The following TRABD2A variants were observed in gnomAD, a reference collection of about 807,000 sequenced individuals.
TRABD2A encodes TraB domain containing 2A.
TRABD2A carries 43 observed loss-of-function variants against 45.6 expected under a neutral mutation model. That is an observed-to-expected ratio of 0.94 (90% CI 0.74 to 1.22). TRABD2A has a LOEUF of 1.22. TRABD2A is among the 50% of genes most tolerant of loss of function. The pLI is 0.00. For missense variants in TRABD2A, 642 were observed against 652.4 expected (o/e 0.98, Z 0.17); for synonymous variants, 269 against 265.0 (o/e 1.02, Z -0.15).
At chr2:84,837,673 T>G (rs926955266) in intron 4 of TRABD2A, 1 of 152,286 alleles carries the variant, frequency 6.6e-6, no homozygotes, top group Non-Finnish European at 1.5e-5. Context: ...CCTTGCAAGT[T>G]TCCCAACCTT....
intron 1 of TRABD2A, among the ~76,000 whole-genome samples, chr2:84,871,718 C>A (rs1682876440): frequency 1.3e-5 from 2 of 152,158 alleles, no homozygotes; most frequent in South Asian, 2.1e-4. Flanking sequence ...AACTCCTGAC[C>A]TTGTGATCCG....
chr2:84,870,715 T>C lies in TRABD2A; in HGVS notation c.179A>G (p.His60Arg), dbSNP rs749481202. ...GTCCCAAACTCGGGTGTACGGGACA[T>C]GGATTGTGCCAAAGAAGTAAGATGG... is the stretch of plus-strand genomic sequence containing the variant. ...DPPSYFFGTI[H>R]VPYTRVWDFI... Residue 60 changes from histidine to arginine, a missense_variant, in exon 2 of 7, where the codon CAT (histidine) becomes CGT (arginine). His to Arg is a conservative substitution (Grantham distance 29). Transcript: ENST00000409520. The C allele has an allele frequency of 2.8e-5, 45 of 1,603,458 alleles. No homozygotes were observed. Among genetic ancestry groups the C allele is most frequent in the Non-Finnish European group, 3.7e-5 (44 of 1,174,910 alleles).
chr2:84,875,314 C>A (rs755238298), intron 1 of TRABD2A, among the ~76,000 whole-genome samples: 1 of 152,192 alleles, frequency 6.6e-6, no homozygotes, highest in African/African-American at 2.4e-5. Flanking sequence ...AGCATTCCCT[C>A]CAGGAGGCAG....
intron 2 of TRABD2A, among the ~76,000 whole-genome samples, chr2:84,847,889 T>C (rs1239819255): frequency 6.6e-6 from 1 of 152,238 alleles, no homozygotes; most frequent in Non-Finnish European, 1.5e-5. Flanking sequence ...AAAGCATCTA[T>C]TCCAGGCCTC....
intron 4 of TRABD2A, 60 bp downstream of exon 4, chr2:84,839,089 T>G: frequency 2.5e-6 from 4 of 1,592,066 alleles, no homozygotes; most frequent in Middle Eastern, 1.9e-4. Flanking sequence ...CACCTCAACA[T>G]TCCCTTCTTG....
intron 4 of TRABD2A, chr2:84,837,175 G>T: frequency 6.6e-6 from 1 of 151,904 alleles, no homozygotes; most frequent in East Asian, 1.9e-4. Context: ...TGTATTATTA[G>T]TAGAGATAGG....
At chr2:84,845,215 G>A (rs907762608) in intron 2 of TRABD2A, among the ~76,000 whole-genome samples, 2 of 152,214 alleles carry the variant, frequency 1.3e-5, no homozygotes, top group South Asian at 2.1e-4. Flanking sequence ...GCCAGGCATG[G>A]TGGCAGGTGC....
intron 2 of TRABD2A, among the ~76,000 whole-genome samples, chr2:84,861,670 C>T (rs1682504505): frequency 1.3e-5 from 2 of 152,206 alleles, no homozygotes; most frequent in African/African-American, 2.4e-5. Flanking sequence ...TCGGCAGCCT[C>T]TTCAGACAGC....
At chr2:84,879,661 T>G in intron 1 of TRABD2A, 1 of 957,310 alleles carries the variant, frequency 1.0e-6, no homozygotes, top group African/African-American at 1.8e-5. Flanking sequence ...TGTGAGGAGA[T>G]GGACTCCTGC....
rs549570443 is a variant in TRABD2A, at chr2:84,824,116, C to T, written c.1171G>A (p.Ala391Thr). ...VPTLEVPAPE[A>T]VSSGHSTLPP... ...AGCGTTGAGTGCCCTGAGGATACGG[C>T]TTCTGGTGCCGGTACTTCCAGGGTA... Residue 391 changes from alanine (A) to threonine (T), a missense_variant, in exon 6 of 7, where the codon GCC becomes ACC. Transcript: ENST00000409520. 3 of 1,613,978 alleles carry T rather than the reference C, an allele frequency of 1.9e-6. No individual in the cohort carries two copies. The highest frequency in any genetic ancestry group is 2.5e-6 in the Non-Finnish European group (3 of 1,179,856).
intron 5 of TRABD2A, among the ~76,000 whole-genome samples, chr2:84,831,204 A>T: frequency 6.6e-6 from 1 of 151,218 alleles, no homozygotes; most frequent in Admixed American, 6.6e-5. Flanking sequence ...GAAAAAAAAA[A>T]TGCCATGTGC....
intron 2 of TRABD2A, among the ~76,000 whole-genome samples, chr2:84,859,657 A>G (rs1243471952): frequency 6.6e-6 from 1 of 152,202 alleles, no homozygotes; most frequent in Admixed American, 6.5e-5. Context: ...AGCAGGGACC[A>G]AGAATAGGAC....
At chr2:84,867,649 G>A (rs1682724354) in intron 2 of TRABD2A, among the ~76,000 whole-genome samples, 1 of 152,126 alleles carries the variant, frequency 6.6e-6, no homozygotes, top group South Asian at 2.1e-4. Context: ...TGAACAGGCA[G>A]CCTACAGAAT....
At chr2:84,828,070 A>G (rs1357682954) in intron 5 of TRABD2A, among the ~76,000 whole-genome samples, 1 of 152,222 alleles carries the variant, frequency 6.6e-6, no homozygotes, top group Non-Finnish European at 1.5e-5. Context: ...CCATTACCCC[A>G]GGGGGAGAAG....
intron 2 of TRABD2A, among the ~76,000 whole-genome samples, chr2:84,854,922 A>G (rs1312680716): frequency 6.6e-6 from 1 of 152,020 alleles, no homozygotes; most frequent in Non-Finnish European, 1.5e-5. Context: ...TTTCTCTCCT[A>G]CTGGGTGTAC....
intron 1 of TRABD2A, among the ~76,000 whole-genome samples, 175 bp from the exon 2 acceptor site, chr2:84,870,960 G>A (rs1402024849): frequency 6.6e-6 from 1 of 152,130 alleles, no homozygotes; most frequent in Non-Finnish European, 1.5e-5. Context: ...AAATAGACAG[G>A]AGCAAATTAT....
intron 2 of TRABD2A, among the ~76,000 whole-genome samples, chr2:84,866,682 CTTTTT>C (rs111567421): frequency 0.016 from 2,221 of 139,446 alleles, 50 homozygotes; most frequent in African/African-American, 0.055. Context: ...CAATTTCCTG[CTTTTT>C]TTTTTTTTTT....
chr2:84,862,616 G>T (rs75499193), intron 2 of TRABD2A, among the ~76,000 whole-genome samples: 25,172 of 151,932 alleles, frequency 0.17, 2,422 homozygotes, highest in African/African-American at 0.27. Flanking sequence ...CCTATTCTTG[G>T]TTTTTTTTAA....
intron 1 of TRABD2A, among the ~76,000 whole-genome samples, 174 bp downstream of exon 1, chr2:84,880,758 G>A (rs1191277313): frequency 6.6e-6 from 1 of 152,206 alleles, no homozygotes; most frequent in African/African-American, 2.4e-5. Context: ...CGCGGGAAAG[G>A]GGAACCCGAG....
Sources: gnomAD v4.1 joint callset for allele counts (sites outside exome capture counted in the v4.1 genomes callset) on GRCh38, gnomAD v4.1.1 for gene constraint, MANE v1.5 for transcripts, NCBI Gene and HGNC (gene_info 2026-07-23, HGNC 2026-07-21) for gene names.